The following CLPB variants were observed in gnomAD, a reference collection of about 807,000 sequenced individuals.
CLPB encodes the protein ClpB family mitochondrial disaggregase, also known as mitochondrial disaggregase.
A neutral mutation model predicts 78.4 loss-of-function variants in CLPB; 40 were observed. The ratio of observed to expected loss-of-function variants is 0.51; its 90% confidence interval spans 0.40 to 0.66. CLPB has a LOEUF of 0.66. Among genes scored for constraint, CLPB ranks in the 30% least tolerant of loss-of-function variants. The pLI is 0.00. For synonymous variants in CLPB, 333 were observed against 348.0 expected (o/e 0.96, Z 0.48); for missense variants, 780 against 886.9 (o/e 0.88, Z 1.53).
intron 3 of CLPB, among the ~76,000 whole-genome samples, chr11:72,389,582 A>G (rs1855186185): frequency 6.6e-6 from 1 of 152,084 alleles, no homozygotes; most frequent in Non-Finnish European, 1.5e-5. Flanking sequence ...ACACATCTCC[A>G]CTCAAAGGAA....
intron 4 of CLPB, among the ~76,000 whole-genome samples, chr11:72,377,384 A>T (rs1329610588): frequency 6.6e-6 from 1 of 152,200 alleles, no homozygotes; most frequent in Non-Finnish European, 1.5e-5. Flanking sequence ...CAGGAATGTG[A>T]TCAATAAATA....
chr11:72,432,015 T>C (rs1013048080), intron 1 of CLPB, among the ~76,000 whole-genome samples: 1 of 152,216 alleles, frequency 6.6e-6, no homozygotes, highest in Non-Finnish European at 1.5e-5. Context: ...GAACATTCCC[T>C]GCTCATGAAC....
rs1200404282 is a variant in CLPB at position 72,294,178 on chromosome 11, C to T, written c.1681-52G>A. The stretch of plus-strand genomic sequence containing the variant: ...CTGCATGTGGCCCACTGCTTTCCAT[C>T]TCTTGCCACTCTGGCCTGAGGCCAG... On this transcript the variant is annotated intron_variant, in intron 14 of 15. Transcript: ENST00000538039. 3.7e-6 allele frequency: 6 copies of T among 1,608,156 alleles called. No homozygotes were observed. In the South Asian group the frequency reaches 4.4e-5, roughly 12 times the overall value.
chr11:72,348,306 C>A (rs995423740), intron 5 of CLPB, among the ~76,000 whole-genome samples: 9 of 152,286 alleles, frequency 5.9e-5, no homozygotes, highest in African/African-American at 7.2e-5. Context: ...TAAACAAACA[C>A]ATAAACAACA....
chr11:72,301,680 A>T, intron 11 of CLPB, 123 bp downstream of exon 11: 2 of 1,070,112 alleles, frequency 1.9e-6, no homozygotes, highest in Non-Finnish European at 2.7e-6. Context: ...GAATGAATGT[A>T]CACATGCGGG....
At chr11:72,358,061 T>G (rs1399651189) in intron 5 of CLPB, among the ~76,000 whole-genome samples, 7 of 150,886 alleles carry the variant, frequency 4.6e-5, no homozygotes, top group African/African-American at 1.5e-4. Flanking sequence ...GAGGCAGGAG[T>G]GGGATATGGG....
chr11:72,410,447 G>A (rs1855843132), intron 2 of CLPB, among the ~76,000 whole-genome samples: 2 of 152,162 alleles, frequency 1.3e-5, no homozygotes, highest in Admixed American at 1.3e-4. Context: ...AAGAGACAGT[G>A]AGAAAAAATA....
Position 72,317,239 on chromosome 11 carries a change from A to C in CLPB, c.874-19T>G. 1.3e-6 allele frequency: 2 copies of C among 1,584,080 alleles called. No individual in the cohort carries two copies. Among genetic ancestry groups the C allele is most frequent in the Non-Finnish European group, 1.7e-6 (2 of 1,160,272 alleles). ...CTTGGTACTGTGGGGAGAGAGGGCA[A>C]ATGGTTGAGGGCTGCCGGGCCCATA... On this transcript the variant is annotated intron_variant, in intron 6 of 15. Transcript: ENST00000538039.
intron 4 of CLPB, 156 bp from the exon 5 acceptor site, chr11:72,359,164 A>G (rs1233601830): frequency 9.1e-7 from 1 of 1,101,870 alleles, no homozygotes; most frequent in Admixed American, 1.9e-5. Flanking sequence ...TGTGCTGGGT[A>G]AGAAGAGGCA....
intron 3 of CLPB, among the ~76,000 whole-genome samples, chr11:72,391,410 T>A (rs1295828274): frequency 6.6e-6 from 1 of 152,218 alleles, no homozygotes; most frequent in African/African-American, 2.4e-5. Flanking sequence ...TCATATTGTA[T>A]CATGATGGCC....
chr11:72,362,497 TAATAAA>T (rs1290756296), intron 4 of CLPB, among the ~76,000 whole-genome samples: 1 of 152,184 alleles, frequency 6.6e-6, no homozygotes, highest in Non-Finnish European at 1.5e-5. Context: ...GGTTTTGGAA[TAATAAA>T]AATAAAAGTA....
In CLPB at chr11:72,434,434, G is replaced by A. The variant is rs1194145425; in HGVS notation, c.41C>T (p.Pro14Leu). 4.4e-6 allele frequency: 7 copies of A among 1,581,648 alleles called. No homozygotes were observed. In the Admixed American group the frequency reaches 1.3e-4, roughly 28 times the overall value. ...SLVLRRKALA[P>L]RLLLRLLRSP... is the part of the protein sequence containing the mutation. ...CCTGAGCAGCCGGAGGAGTAGCCGTGGCGCCAGTGCTTTTCTCCTCAACAC... is the reference window on the plus strand; with the variant it reads ...CCTGAGCAGCCGGAGGAGTAGCCGTAGCGCCAGTGCTTTTCTCCTCAACAC... Residue 14 changes from proline to leucine, a missense_variant, in exon 1 of 16, where the codon CCA becomes CTA. By Grantham distance (98) the Pro-to-Leu change is moderately conservative (BLOSUM62 -3). Around this residue, in one of 3 missense-constraint regions of CLPB, gnomAD observed 417 missense variants for 414.7 expected, o/e 1.01. Transcript: ENST00000538039.
At chr11:72,428,746 C>T (rs965000501) in intron 2 of CLPB, 2 of 152,252 alleles carry the variant, frequency 1.3e-5, no homozygotes, top group African/African-American at 4.8e-5. Context: ...AAAGCCCCCC[C>T]AGACACTATC....
intron 2 of CLPB, among the ~76,000 whole-genome samples, chr11:72,423,909 T>G (rs1856283579): frequency 1.3e-5 from 2 of 152,248 alleles, no homozygotes; most frequent in African/African-American, 4.8e-5. Flanking sequence ...ACCTTCCACC[T>G]GCTGTTCCCT....
chr11:72,432,907 T>C (rs928897283), intron 1 of CLPB, among the ~76,000 whole-genome samples: 2 of 152,152 alleles, frequency 1.3e-5, no homozygotes, highest in African/African-American at 4.8e-5. Context: ...TTGGGGTGCA[T>C]GGAATCTATG....
At chr11:72,380,115 G>A (rs761597612) in intron 4 of CLPB, among the ~76,000 whole-genome samples, 166 bp downstream of exon 4, 17 of 152,200 alleles carry the variant, frequency 1.1e-4, no homozygotes, top group Non-Finnish European at 2.1e-4. Flanking sequence ...CCAGGGGACT[G>A]TGAAAGGCAG....
intron 6 of CLPB, among the ~76,000 whole-genome samples, chr11:72,319,607 T>C (rs78065097): frequency 0.022 from 3,289 of 152,300 alleles, 113 homozygotes; most frequent in African/African-American, 0.076. Flanking sequence ...GAAGTTAAGC[T>C]CCCAGAATCT....
intron 3 of CLPB, among the ~76,000 whole-genome samples, chr11:72,399,367 A>G: frequency 6.6e-6 from 1 of 152,156 alleles, no homozygotes; most frequent in South Asian, 2.1e-4. Context: ...TCCTTTAACC[A>G]ATATGATTTC....
intron 7 of CLPB, among the ~76,000 whole-genome samples, chr11:72,313,924 G>A (rs1379937261): frequency 6.6e-6 from 1 of 152,216 alleles, no homozygotes; most frequent in Admixed American, 6.5e-5. Context: ...CACAGCAAAT[G>A]ACTTCAGAAG....
Sources: allele counts gnomAD v4.1 joint callset (sites outside exome capture counted in the v4.1 genomes callset), GRCh38; gene constraint gnomAD v4.1.1; regional missense constraint gnomAD v4.1.1; transcripts MANE v1.5; gene names NCBI Gene and HGNC (gene_info 2026-07-23, HGNC 2026-07-21).